HIPK2: variants seen among roughly 807,000 people sequenced by gnomAD.
The protein encoded by HIPK2 is homeodomain interacting protein kinase 2, also known as homeodomain-interacting protein kinase 2.
HIPK2 carries 27 observed loss-of-function variants against 113.7 expected under a neutral mutation model. The ratio of observed to expected loss-of-function variants is 0.24; its 90% CI spans 0.17 to 0.33. HIPK2 has a LOEUF of 0.33. Ranked by LOEUF, HIPK2 falls within the 10% of genes least tolerant of loss-of-function variation. HIPK2 has a pLI of 1.00. For missense variants in HIPK2, 1,257 were observed against 1,588.0 expected, an observed-to-expected ratio of 0.79 and a Z score of 3.54; for synonymous variants, 631 against 642.2, an observed-to-expected ratio of 0.98 and a Z score of 0.26.
rs1427135760 is a variant in HIPK2, at chr7:139,716,162, G to A, written c.873C>T (p.Asn291=). The part of the protein sequence containing the change: ...EQNLYDFLKQ[N]KFSPLPLKYI... ...ATTTGAGGGGCAAGGGGCTAAACTT[G>A]TTTTGCTTCAGAAAGTCATAGAGGT... The change falls in exon 2 of 15, where the codon AAC becomes AAT. Residue 291 remains asparagine, a synonymous_variant. Transcript: ENST00000406875. The surrounding 1 kb of genome is among the most constrained non-coding windows in gnomAD (Gnocchi z 9.3). The A allele has an allele frequency of 1.9e-6, 3 of 1,613,920 alleles. No individual in the cohort carries two copies. The highest frequency in any genetic ancestry group is 2.5e-6 in the Non-Finnish European group (3 of 1,179,902).
chr7:139,691,063 A>G (rs1169799110), intron 2 of HIPK2, among the ~76,000 whole-genome samples: 1 of 152,144 alleles, frequency 6.6e-6, no homozygotes, highest in Non-Finnish European at 1.5e-5. Flanking sequence ...TCTGTAATGA[A>G]GGAGGTGAGA....
intron 2 of HIPK2, among the ~76,000 whole-genome samples, chr7:139,706,895 C>A (rs572514761): frequency 1.3e-5 from 2 of 152,374 alleles, no homozygotes; most frequent in East Asian, 3.9e-4. Flanking sequence ...CACACTGTGG[C>A]CTCAGTCAGG....
chr7:139,763,477 C>A (rs1422153435), intron 1 of HIPK2, among the ~76,000 whole-genome samples: 6 of 124,534 alleles, frequency 4.8e-5, no homozygotes, highest in East Asian at 2.3e-4. Context: ...AACACGCCCC[C>A]CCCCCCACAC....
In HIPK2 at chr7:139,714,049, G is replaced by A. The variant is rs1239391995; in HGVS notation, c.1103+1883C>T. Among the ~76,000 whole-genome samples the A allele has an allele frequency of 6.6e-6, 1 of 152,240 alleles. No homozygotes were observed. The highest frequency in any genetic ancestry group is 1.9e-4 in the East Asian group (1 of 5,198). On this transcript the variant is annotated intron_variant, in intron 2 of 14. Coordinates refer to ENST00000406875, the MANE Select transcript of HIPK2 (RefSeq NM_022740.5). This position sits in a 1 kb window ranked among gnomAD's most constrained non-coding sequence, Gnocchi z 4.2. ...TGCCATTGGCTCTGGGGCCAGCGGG[G>A]CACAGAGTGGATGGCCTGGTCAGGA...
chr7:139,639,863 A>G (rs1286344422), intron 2 of HIPK2, among the ~76,000 whole-genome samples: 1 of 152,186 alleles, frequency 6.6e-6, no homozygotes, highest in East Asian at 1.9e-4. Context: ...TGTGAGAGGC[A>G]GACAGCTTGG....
chr7:139,653,725 C>T (rs1335442302), intron 2 of HIPK2, among the ~76,000 whole-genome samples: 2 of 151,652 alleles, frequency 1.3e-5, no homozygotes, highest in Non-Finnish European at 2.9e-5. Context: ...CTCTGGCCTC[C>T]TCGAGACTGT....
At chr7:139,681,897 T>C (rs1166037397) in intron 2 of HIPK2, among the ~76,000 whole-genome samples, 1 of 152,150 alleles carries the variant, frequency 6.6e-6, no homozygotes, top group Non-Finnish European at 1.5e-5. Flanking sequence ...TAGGACAGCA[T>C]CTCCCCTGGT....
intron 2 of HIPK2, among the ~76,000 whole-genome samples, chr7:139,698,980 T>C (rs1794633581): frequency 6.6e-6 from 1 of 151,862 alleles, no homozygotes; most frequent in Non-Finnish European, 1.5e-5. Flanking sequence ...AATAGAGAAA[T>C]GAAACCTGAG....
intron 1 of HIPK2, among the ~76,000 whole-genome samples, chr7:139,731,157 G>A (rs1795766909): frequency 6.6e-6 from 1 of 152,200 alleles, no homozygotes; most frequent in Non-Finnish European, 1.5e-5. Context: ...CATTGAAAAG[G>A]CATGTCTGTA....
Position 139,571,766 on chromosome 7 carries a change from C to A in HIPK2, c.*1161G>T, listed in dbSNP as rs1160821469. 6.6e-6 allele frequency: 1 copy of A among 152,182 alleles called. No individual in the cohort carries two copies. The highest frequency in any genetic ancestry group is 1.5e-5 in the Non-Finnish European group (1 of 68,046). The allele number at this position is 152,182 out of a possible 1,614,324, so 9.4% of individuals were successfully genotyped here. ...TTCTTGGAGTACCAGTGGAAGTAAA[C>A]CCTCACGCCGCGTCTGTCGCTCGGT... On this transcript the variant is annotated 3_prime_UTR_variant, in exon 15 of 15. Transcript: ENST00000406875.
intron 1 of HIPK2, among the ~76,000 whole-genome samples, chr7:139,758,323 T>C (rs1796395771): frequency 6.6e-6 from 1 of 152,112 alleles, no homozygotes; most frequent in Non-Finnish European, 1.5e-5. Flanking sequence ...CTCCCAGACC[T>C]ATAGGAACTT....
chr7:139,605,267 T>C (rs565202106), intron 9 of HIPK2, among the ~76,000 whole-genome samples: 22 of 152,010 alleles, frequency 1.4e-4, no homozygotes, highest in African/African-American at 4.6e-4. Flanking sequence ...TGTGTGTATG[T>C]TGTGTTTTAA....
At chr7:139,704,752 G>T (rs898477678) in intron 2 of HIPK2, among the ~76,000 whole-genome samples, 1 of 152,148 alleles carries the variant, frequency 6.6e-6, no homozygotes, top group South Asian at 2.1e-4. Context: ...GGTACCAGCA[G>T]GTGTCAAAGG....
chr7:139,564,879 A>G lies in HIPK2; in HGVS notation c.*8048T>C, dbSNP rs1798048730. Reference sequence around the variant, plus strand: ...TTTGATAGCTTAGAAGGCTAACAGCATTTTACAGTAGCTAAAAACATATAT... The same window carrying G: ...TTTGATAGCTTAGAAGGCTAACAGCGTTTTACAGTAGCTAAAAACATATAT... On this transcript the variant is annotated 3_prime_UTR_variant, in exon 15 of 15. Transcript: ENST00000406875. 1.3e-5 allele frequency: 2 copies of G among 152,248 alleles called. No homozygotes were observed. The highest frequency in any genetic ancestry group is 4.8e-5 in the African/African-American group (2 of 41,466). 9.4% of individuals were successfully genotyped at this position (152,248 alleles called of 1,614,324 possible).
intron 2 of HIPK2, among the ~76,000 whole-genome samples, chr7:139,691,663 T>A (rs1794408231): frequency 1.3e-5 from 2 of 152,194 alleles, no homozygotes; most frequent in Admixed American, 1.3e-4. Flanking sequence ...CAAAACCAGC[T>A]GGGATAAGGA....
rs181544209 is a variant in HIPK2 at position 139,674,008 on chromosome 7, T to C, written c.1103+41924A>G. 5.1e-3 allele frequency among the ~76,000 whole-genome samples: 774 copies of C among 150,980 alleles called. 5 individuals carry two copies. Among genetic ancestry groups the C allele is most frequent in the African/African-American group, 0.018 (725 of 40,930 alleles). On this transcript the variant is annotated intron_variant, in intron 2 of 14. Transcript: ENST00000406875. ...ATCGTTTGAGCTGAGGAGGCAGAGG[T>C]TGCAGTGAGATGAGCCTACTGCACT...
chr7:139,761,345 CT>C (rs1796461121), intron 1 of HIPK2, among the ~76,000 whole-genome samples: 1 of 152,226 alleles, frequency 6.6e-6, no homozygotes, highest in South Asian at 2.1e-4. Flanking sequence ...AAGTCACTTG[CT>C]GGTCTCTAGG....
At chr7:139,600,625 C>T (rs1250383333) in intron 10 of HIPK2, 29 bp from the exon 11 acceptor site, 10 of 1,604,540 alleles carry the variant, frequency 6.2e-6, no homozygotes, top group Non-Finnish European at 8.5e-6. Flanking sequence ...AACAAGGTGC[C>T]TTAGAGGTGT....
At chr7:139,632,779 A>T (rs781038319) in intron 2 of HIPK2, among the ~76,000 whole-genome samples, 3 of 152,030 alleles carry the variant, frequency 2.0e-5, no homozygotes, top group African/African-American at 4.8e-5. Flanking sequence ...ATGTTTTTTT[A>T]AAAAAATATG....
Sources: gnomAD v4.1 joint callset for allele counts (sites outside exome capture counted in the v4.1 genomes callset) on GRCh38, gnomAD v4.1.1 for gene constraint, Gnocchi (gnomAD v3.1) non-coding constraint, MANE v1.5 for transcripts, NCBI Gene and HGNC (gene_info 2026-07-23, HGNC 2026-07-21) for gene names.